Variants in ADAMTSL2 observed in about 807,000 individuals in gnomAD.
ADAMTSL2 encodes ADAMTS like 2.
A neutral mutation model predicts 117.0 loss-of-function variants in ADAMTSL2; 55 were observed. That is an observed-to-expected ratio of 0.47 (90% CI 0.38 to 0.59). The LOEUF is 0.59. ADAMTSL2 is among the 20% of genes least tolerant of loss of function. ADAMTSL2 has a pLI of 0.00. For synonymous variants in ADAMTSL2, 572 were observed against 566.4 expected (o/e 1.01, Z -0.14); for missense variants, 1,182 against 1,354.5 (o/e 0.87, Z 2.00).
intron 8 of ADAMTSL2, among the ~76,000 whole-genome samples, chr9:133,545,620 G>A (rs1460377308): frequency 6.6e-6 from 1 of 152,248 alleles, no homozygotes; most frequent in Non-Finnish European, 1.5e-5. Context: ...CCTCTCGCCA[G>A]GCCAGTTGCT....
chr9:133,553,723 T>G (rs1291007473), intron 9 of ADAMTSL2, among the ~76,000 whole-genome samples: 1 of 152,160 alleles, frequency 6.6e-6, no homozygotes, highest in Non-Finnish European at 1.5e-5. Flanking sequence ...TGACACCAGC[T>G]GGTTTTGGTT....
intron 7 of ADAMTSL2, among the ~76,000 whole-genome samples, chr9:133,543,442 G>C (rs1275951035): frequency 1.3e-5 from 2 of 152,256 alleles, no homozygotes; most frequent in Non-Finnish European, 2.9e-5. Context: ...GGCCACAGCG[G>C]GGGTGTTTAC....
intron 9 of ADAMTSL2, among the ~76,000 whole-genome samples, chr9:133,549,647 A>T (rs1830437253): frequency 2.6e-5 from 1 of 39,120 alleles, no homozygotes; most frequent in Non-Finnish European, 9.8e-5. Context: ...AGCCTCTCAT[A>T]GTGCTTGGAT....
chr9:133,571,083 T>G (rs906166962), intron 17 of ADAMTSL2, among the ~76,000 whole-genome samples: 12 of 152,276 alleles, frequency 7.9e-5, no homozygotes, highest in African/African-American at 2.4e-4. Context: ...AGGACTATGC[T>G]GAGATCGCGG....
chr9:133,568,836 TCCA>T, intron 15 of ADAMTSL2, 78 bp downstream of exon 15: 1 of 1,586,838 alleles, frequency 6.3e-7, no homozygotes, highest in Non-Finnish European at 8.6e-7. Context: ...TGCCTCAGTT[TCCA>T]TTTTTTTCCG....
chr9:133,570,534 G>T, intron 17 of ADAMTSL2, 27 bp downstream of exon 17: 1 of 1,600,232 alleles, frequency 6.2e-7, no homozygotes, highest in Non-Finnish European at 8.5e-7. Flanking sequence ...CCCCTCTGAG[G>T]TTGCCTGAGG....
intron 17 of ADAMTSL2, among the ~76,000 whole-genome samples, chr9:133,573,521 G>A (rs1831158625): frequency 6.6e-6 from 1 of 151,734 alleles, no homozygotes; most frequent in African/African-American, 2.4e-5. Context: ...CTGACGGCCA[G>A]CTAGTGCCTG....
chr9:133,572,648 G>A (rs1831134721), intron 17 of ADAMTSL2, among the ~76,000 whole-genome samples: 1 of 152,176 alleles, frequency 6.6e-6, no homozygotes, highest in South Asian at 2.1e-4. Context: ...CGATGAAGCG[G>A]GGACCCCAGA....
chr9:133,571,210 G>A (rs1472313901), intron 17 of ADAMTSL2, among the ~76,000 whole-genome samples: 1 of 152,210 alleles, frequency 6.6e-6, no homozygotes, highest in Non-Finnish European at 1.5e-5. Context: ...GCCATGAGGA[G>A]AGGTTCTTTT....
rs1275525573 is a variant in ADAMTSL2, at chr9:133,570,261, C to T, written c.2416-70C>T. 1.1e-5 allele frequency: 16 copies of T among 1,505,686 alleles called. No individual in the cohort carries two copies. The Admixed American group carries it at 2.0e-4, about 19-fold the overall frequency. 93.3% of individuals were successfully genotyped at this position (1,505,686 alleles called of 1,614,324 possible). Reference sequence around the variant, plus strand: ...TTGACCAGCCCGTTGTCACCAGAGTCGCCGTGGGCCCTGTGTGTAGGGTCC... The same window carrying T: ...TTGACCAGCCCGTTGTCACCAGAGTTGCCGTGGGCCCTGTGTGTAGGGTCC... On this transcript the variant is annotated intron_variant, in intron 16 of 18. Coordinates refer to ENST00000651351, the MANE Select transcript of ADAMTSL2 (RefSeq NM_014694.4).
rs191441276 is a variant in ADAMTSL2, at chr9:133,537,066, G to A, written c.90+264G>A. On this transcript the variant is annotated intron_variant, in intron 2 of 18. Transcript: ENST00000651351. ...CCCTTCCAAGTGAAGGCCCCAGCAC[G>A]GCCAGGGTAGGCTGTGTCCTGCAGA... 3.3e-5 allele frequency among the ~76,000 whole-genome samples: 5 copies of A among 152,260 alleles called. No individual in the cohort carries two copies. In the East Asian group the frequency reaches 7.7e-4, roughly 24 times the overall value.
At chr9:133,573,021 C>T (rs919901467) in intron 17 of ADAMTSL2, among the ~76,000 whole-genome samples, 15 of 152,336 alleles carry the variant, frequency 9.8e-5, no homozygotes, top group Admixed American at 3.9e-4. Context: ...CCCCCTGGCT[C>T]GGAGCAGGCA....
At chr9:133,539,666 C>CTGTCCCGGCTGTCCCGGCTGTCCCGGT in intron 4 of ADAMTSL2, 105 bp from the exon 5 acceptor site, 5 of 1,146,392 alleles carry the variant, frequency 4.4e-6, no homozygotes, top group Non-Finnish European at 6.3e-6. Context: ...GCTGTCCCGG[C>CTGTCCCGGCTGTCCCGGCTGTCCCGGT]TGTCCCGGCT....
At chr9:133,544,638 C>G (rs1001340643) in intron 8 of ADAMTSL2, 88 bp downstream of exon 8, 5 of 1,145,174 alleles carry the variant, frequency 4.4e-6, no homozygotes, top group African/African-American at 3.0e-5. Flanking sequence ...TGACCCTGGA[C>G]CCCTTCCTCC....
intron 9 of ADAMTSL2, among the ~76,000 whole-genome samples, chr9:133,552,266 G>A (rs1830504709): frequency 6.6e-6 from 1 of 152,196 alleles, no homozygotes; most frequent in Non-Finnish European, 1.5e-5. Flanking sequence ...AGAGATGTCT[G>A]GTACGCCCTA....
intron 7 of ADAMTSL2, 145 bp downstream of exon 7, chr9:133,541,146 T>G: frequency 7.8e-7 from 1 of 1,283,920 alleles, no homozygotes; most frequent in Non-Finnish European, 1.1e-6. Flanking sequence ...CCAGGCCGGG[T>G]GAGCTGGCCT....
chr9:133,572,105 C>A (rs1831119131), intron 17 of ADAMTSL2, among the ~76,000 whole-genome samples: 1 of 152,162 alleles, frequency 6.6e-6, no homozygotes, highest in Non-Finnish European at 1.5e-5. Context: ...GGGTCCAGGC[C>A]CCGGGCCCTT....
Position 133,554,478 on chromosome 9 carries a change from G to T in ADAMTSL2, c.1061G>T (p.Gly354Val). 4 of 1,552,854 alleles carry T rather than the reference G, an allele frequency of 2.6e-6. No homozygotes were observed. The highest frequency in any genetic ancestry group is 1.7e-6 in the Non-Finnish European group (2 of 1,148,424). The part of the protein sequence containing the change: ...YGFSESAESQ[G>V]LDGAGLMGFV... ...TTCTCCGAGAGCGCTGAGAGCCAGG[G>T]CCTGGACGGGGCCGGGCTGATGGGC... Residue 354 changes from glycine (G) to valine (V), a missense_variant, in exon 10 of 19, where the codon GGC (glycine) becomes GTC (valine). By Grantham distance (109) the Gly-to-Val change is moderately radical. Transcript: ENST00000651351. The surrounding 1 kb of genome is among the most constrained non-coding windows in gnomAD (Gnocchi z 5.2).
intron 16 of ADAMTSL2, 59 bp from the exon 17 acceptor site, chr9:133,570,272 C>CTG: frequency 2.0e-6 from 3 of 1,525,866 alleles, no homozygotes; most frequent in Non-Finnish European, 2.6e-6. Context: ...GCCGTGGGCC[C>CTG]TGTGTGTAGG....
Sources: allele counts gnomAD v4.1 joint callset (sites outside exome capture counted in the v4.1 genomes callset), GRCh38; gene constraint gnomAD v4.1.1; non-coding constraint Gnocchi (gnomAD v3.1); transcripts MANE v1.5; gene names NCBI Gene and HGNC (gene_info 2026-07-23, HGNC 2026-07-21).